The following NDRG1 variants were observed in gnomAD, a reference collection of about 807,000 sequenced individuals.
NDRG1 encodes protein NDRG1.
A neutral mutation model predicts 56.9 loss-of-function variants in NDRG1; 32 were observed. The observed-to-expected ratio is 0.56, with a 90% confidence interval of 0.42 to 0.76. The LOEUF (loss-of-function observed/expected upper bound fraction) is 0.76, where lower values mean the gene tolerates loss of function less well. Ranked by LOEUF, NDRG1 falls within the 30% of genes least tolerant of loss-of-function variation. The pLI is 0.00. For missense variants in NDRG1, 507 were observed against 545.7 expected, an observed-to-expected ratio of 0.93 and a Z score of 0.71; for synonymous variants, 211 against 204.1, an observed-to-expected ratio of 1.03 and a Z score of -0.29.
At chr8:133,296,861 C>T (rs1219904033) in intron 1 of NDRG1, 8 of 228,252 alleles carry the variant, frequency 3.5e-5, no homozygotes, top group Non-Finnish European at 6.4e-5. Flanking sequence ...CCCTTCCCGA[C>T]CTCCAGAACC....
rs35761411 is a variant in NDRG1 at position 133,263,917 on chromosome 8, GA to G, written c.205+629del. 9.6e-3 allele frequency among the ~76,000 whole-genome samples: 1,038 copies of G among 108,018 alleles called. 5 individuals are homozygous for G. The highest frequency in any genetic ancestry group is 0.015 in the South Asian group (50 of 3,244). 70.9% of individuals were successfully genotyped at this position (108,018 alleles called of 152,430 possible). On this transcript the variant is annotated intron_variant, in intron 4 of 15. Coordinates refer to ENST00000323851, the MANE Select transcript of NDRG1 (RefSeq NM_006096.4). ...GGCAACAGAGCGAGATTCTGTCTCA[GA>G]AAAAAAAAAAAAAAGAAAGAAAGAA...
intron 1 of NDRG1, among the ~76,000 whole-genome samples, chr8:133,295,022 A>G (rs990176646): frequency 1.8e-4 from 28 of 152,198 alleles, no homozygotes; most frequent in African/African-American, 6.5e-4. Flanking sequence ...AATGGAAAGA[A>G]GTTGGACTAG....
chr8:133,246,597 C>A lies in NDRG1; in HGVS notation c.855+19G>T. On this transcript the variant is annotated intron_variant, in intron 13 of 15. Transcript: ENST00000323851. ...TTCTAAGAAATAACAAACACGAACC[C>A]CCACTGTTTTCCCTGTACCTTGAGG... The A allele has an allele frequency of 6.2e-7, 1 of 1,613,870 alleles. No homozygotes were observed. Among genetic ancestry groups the A allele is most frequent in the Non-Finnish European group, 8.5e-7 (1 of 1,179,724 alleles).
intron 3 of NDRG1, among the ~76,000 whole-genome samples, chr8:133,278,985 G>C (rs1857618374): frequency 6.6e-6 from 1 of 151,388 alleles, no homozygotes; most frequent in South Asian, 2.1e-4. Context: ...CTGCCTCCCA[G>C]GTTCAAGCAA....
intron 3 of NDRG1, among the ~76,000 whole-genome samples, chr8:133,278,226 G>C (rs1408105843): frequency 3.9e-5 from 6 of 152,104 alleles, no homozygotes; most frequent in Admixed American, 3.9e-4. Context: ...CCATGGTGCT[G>C]GTGCCACAGC....
chr8:133,256,682 G>A, intron 8 of NDRG1, 95 bp downstream of exon 8: 1 of 1,195,798 alleles, frequency 8.4e-7, no homozygotes, highest in Non-Finnish European at 1.2e-6. Flanking sequence ...GGTAAAGAGA[G>A]AGCTCGTAGC....
rs147759177 is a variant in NDRG1 at position 133,290,957 on chromosome 8, G to A, written c.-19+6177C>T. Among the ~76,000 whole-genome samples, 74 of 152,238 alleles carry A rather than the reference G, an allele frequency of 4.9e-4. 4 individuals carry two copies. In the East Asian group the frequency reaches 0.012, roughly 24 times the overall value. On this transcript the variant is annotated intron_variant, in intron 1 of 15. Transcript: ENST00000323851. ...CTGAGGCTCAAAAACAAACACAAAG[G>A]CCCACTTGACTTCCAAAGGCCACAT...
At position 133,237,927 on chromosome 8, in the gene NDRG1, C is replaced by G. The variant is rs1041216652; in HGVS notation, c.*951G>C. On this transcript the variant is annotated 3_prime_UTR_variant, in exon 16 of 16. Transcript: ENST00000323851. ...CATCGAGTAACCCCAATTCCACCCC[C>G]ACCCCAGTGCTCCTACTCCGGCCCC... 1.7e-5 allele frequency: 4 copies of G among 233,140 alleles called. No individual in the cohort carries two copies. Among genetic ancestry groups the G allele is most frequent in the South Asian group, 1.8e-4 (1 of 5,532 alleles). The allele number at this position is 233,140 out of a possible 1,614,324, so 14.4% of individuals were successfully genotyped here. A position where few individuals can be genotyped will look rare whatever the true frequency, so the allele number is the denominator to read the frequency against.
chr8:133,274,696 C>G (rs568149017), intron 3 of NDRG1, among the ~76,000 whole-genome samples: 1 of 152,154 alleles, frequency 6.6e-6, no homozygotes, highest in East Asian at 1.9e-4. Context: ...TTTTGACAAG[C>G]AGACGTGTCA....
At chr8:133,262,993 A>T (rs1225962056) in intron 4 of NDRG1, among the ~76,000 whole-genome samples, 2 of 152,218 alleles carry the variant, frequency 1.3e-5, no homozygotes, top group Non-Finnish European at 1.5e-5. Context: ...AAACTGTTAC[A>T]TGAGCGAGAA....
intron 3 of NDRG1, among the ~76,000 whole-genome samples, chr8:133,268,006 T>C (rs1206281612): frequency 6.6e-6 from 1 of 152,150 alleles, no homozygotes; most frequent in African/African-American, 2.4e-5. Flanking sequence ...TAGCAGATTT[T>C]TGACTCATCT....
intron 2 of NDRG1, among the ~76,000 whole-genome samples, chr8:133,282,903 C>T (rs987406487): frequency 4.6e-5 from 7 of 152,174 alleles, no homozygotes; most frequent in African/African-American, 1.4e-4. Flanking sequence ...CTAGTTGTAC[C>T]AGCTATCTGG....
intron 14 of NDRG1, among the ~76,000 whole-genome samples, chr8:133,243,582 C>T (rs1309433673): frequency 2.0e-5 from 3 of 152,156 alleles, no homozygotes; most frequent in African/African-American, 4.8e-5. Flanking sequence ...CTGGTGTCCT[C>T]GAAGCCTGTG....
chr8:133,286,750 G>A (rs1286972147), intron 1 of NDRG1, among the ~76,000 whole-genome samples: 1 of 152,174 alleles, frequency 6.6e-6, no homozygotes, highest in South Asian at 2.1e-4. Flanking sequence ...AATGTCTAGT[G>A]ACATTATTTA....
intron 3 of NDRG1, among the ~76,000 whole-genome samples, chr8:133,279,839 C>A (rs1857680874): frequency 6.6e-6 from 1 of 152,212 alleles, no homozygotes; most frequent in Non-Finnish European, 1.5e-5. Flanking sequence ...GGCCAGTAAA[C>A]CACAGAGAAG....
At chr8:133,250,672 C>G in intron 9 of NDRG1, 129 bp from the exon 10 acceptor site, 1 of 802,242 alleles carries the variant, frequency 1.2e-6, no homozygotes, top group South Asian at 1.5e-5. Context: ...AAGACAGCGA[C>G]GGACCTAAAA....
At chr8:133,243,873 C>T (rs1309821809) in intron 14 of NDRG1, among the ~76,000 whole-genome samples, 3 of 152,304 alleles carry the variant, frequency 2.0e-5, no homozygotes, top group East Asian at 1.9e-4. Context: ...AAACACATTA[C>T]GTTGATCAAT....
In NDRG1 at chr8:133,238,424, AG is replaced by A. The variant is rs1855179359; in HGVS notation, c.*453del. 1 of 249,452 alleles carries A rather than the reference AG, an allele frequency of 4.0e-6. No homozygotes were observed. Among genetic ancestry groups the A allele is most frequent in the South Asian group, 1.6e-4 (1 of 6,392 alleles). 15.5% of individuals were successfully genotyped at this position (249,452 alleles called of 1,614,324 possible). A position where few individuals can be genotyped will look rare whatever the true frequency, so the allele number is the denominator to read the frequency against. On this transcript the variant is annotated 3_prime_UTR_variant, in exon 16 of 16. Transcript: ENST00000323851. ...ATTACCCCCCTCCCCAAATGAGAAAAGGATTTTGTTTCCGGAAACTGGATCA... is the reference window on the plus strand; with the variant it reads ...ATTACCCCCCTCCCCAAATGAGAAAAGATTTTGTTTCCGGAAACTGGATCA...
At chr8:133,254,512 AC>A in intron 9 of NDRG1, 26 bp downstream of exon 9, 1 of 1,613,746 alleles carries the variant, frequency 6.2e-7, no homozygotes, top group Non-Finnish European at 8.5e-7. Flanking sequence ...AGCAGGAACA[AC>A]AGATTTGCCA....
Sources: gnomAD v4.1 joint callset for allele counts (sites outside exome capture counted in the v4.1 genomes callset) on GRCh38, gnomAD v4.1.1 for gene constraint, MANE v1.5 for transcripts, NCBI Gene and HGNC (gene_info 2026-07-23, HGNC 2026-07-21) for gene names.